Variants in XKR4 observed in about 807,000 individuals in gnomAD.
The protein encoded by XKR4 is XK related 4.
XKR4 carries 12 observed loss-of-function variants against 53.9 expected under a neutral mutation model. The ratio of observed to expected loss-of-function variants is 0.22; its 90% CI spans 0.14 to 0.36. The LOEUF (loss-of-function observed/expected upper bound fraction) is 0.36, where lower values mean the gene tolerates loss of function less well. XKR4 is among the 10% of genes least tolerant of loss of function. The pLI is 1.00. For missense variants in XKR4, 799 were observed against 859.5 expected (o/e 0.93, Z 0.88); for synonymous variants, 354 against 362.4 (o/e 0.98, Z 0.26).
Position 55,148,837 on chromosome 8 carries a change from A to T in XKR4, c.806+45543A>T, listed in dbSNP as rs77742891. ...ATGTTGTTTTATTTCCCAGAGCTGGACTGCAGACTTCCTTGGCTCTGTCAC... is the reference window on the plus strand; with the variant it reads ...ATGTTGTTTTATTTCCCAGAGCTGGTCTGCAGACTTCCTTGGCTCTGTCAC... On this transcript the variant is annotated intron_variant, in intron 1 of 2. Coordinates refer to ENST00000327381, the MANE Select transcript of XKR4 (RefSeq NM_052898.2). Among the ~76,000 whole-genome samples the T allele has an allele frequency of 7.3e-3, 1,112 of 152,300 alleles. 27 individuals are homozygous for T. Among genetic ancestry groups the T allele is most frequent in the East Asian group, 0.054 (279 of 5,180 alleles).
At chr8:55,248,752 AC>A (rs1818325748) in intron 1 of XKR4, among the ~76,000 whole-genome samples, 2 of 152,158 alleles carry the variant, frequency 1.3e-5, no homozygotes, top group South Asian at 4.2e-4. Context: ...TGTAAGTTAA[AC>A]TTTTTTTTTC....
chr8:55,511,909 A>T (rs539999892), intron 2 of XKR4, among the ~76,000 whole-genome samples: 3 of 152,300 alleles, frequency 2.0e-5, no homozygotes, highest in African/African-American at 7.2e-5. Context: ...CTCCAATAAA[A>T]TTTCCTTCAA....
intron 2 of XKR4, among the ~76,000 whole-genome samples, chr8:55,386,836 G>T (rs1804325193): frequency 6.6e-6 from 1 of 152,144 alleles, no homozygotes; most frequent in Non-Finnish European, 1.5e-5. Context: ...CATCTAGGAA[G>T]AAACTTCATT....
At chr8:55,262,253 C>A (rs937147641) in intron 1 of XKR4, among the ~76,000 whole-genome samples, 2 of 152,072 alleles carry the variant, frequency 1.3e-5, no homozygotes, top group Non-Finnish European at 2.9e-5. Flanking sequence ...TATAAATTGC[C>A]AGAATTAATC....
chr8:55,111,234 C>G (rs1341845711), intron 1 of XKR4, among the ~76,000 whole-genome samples: 1 of 152,176 alleles, frequency 6.6e-6, no homozygotes, highest in Non-Finnish European at 1.5e-5. Context: ...GCCTCATAGA[C>G]TAGATCTTCT....
intron 1 of XKR4, among the ~76,000 whole-genome samples, chr8:55,297,799 A>G (rs558384676): frequency 3.1e-4 from 47 of 152,360 alleles, no homozygotes; most frequent in African/African-American, 1.1e-3. Context: ...TTTGGGGAAG[A>G]TGGACCTATT....
intron 1 of XKR4, among the ~76,000 whole-genome samples, chr8:55,325,506 A>C (rs1023750171): frequency 6.6e-5 from 10 of 152,210 alleles, no homozygotes; most frequent in Non-Finnish European, 1.5e-4. Context: ...TCTTCAGTTA[A>C]TTTTAAAACT....
chr8:55,288,525 T>G (rs1818939218), intron 1 of XKR4, among the ~76,000 whole-genome samples: 1 of 152,226 alleles, frequency 6.6e-6, no homozygotes, highest in African/African-American at 2.4e-5. Flanking sequence ...ATCCTACTAG[T>G]ATGCCAGATA....
chr8:55,506,985 G>C (rs116890549), intron 2 of XKR4, among the ~76,000 whole-genome samples: 3,835 of 152,170 alleles, frequency 0.025, 78 homozygotes, highest in South Asian at 0.077. Context: ...TTAGCTTAGG[G>C]TTGTGGTGTC....
chr8:55,231,814 A>C (rs889649166), intron 1 of XKR4, among the ~76,000 whole-genome samples: 47 of 152,090 alleles, frequency 3.1e-4, no homozygotes, highest in African/African-American at 1.1e-3. Flanking sequence ...GTCCTTACAA[A>C]TCCTGTAAAC....
chr8:55,287,095 A>T (rs773906016), intron 1 of XKR4, among the ~76,000 whole-genome samples: 2 of 147,200 alleles, frequency 1.4e-5, no homozygotes, highest in South Asian at 2.2e-4. Context: ...TTGGAAATTT[A>T]AATGTCAAAA....
chr8:55,303,770 C>T (rs1180401803), intron 1 of XKR4, among the ~76,000 whole-genome samples: 1 of 152,200 alleles, frequency 6.6e-6, no homozygotes, highest in Non-Finnish European at 1.5e-5. Flanking sequence ...TCTAGATTTT[C>T]TAGTTTATTT....
At chr8:55,452,501 CA>C in intron 2 of XKR4, 1 of 645,096 alleles carries the variant, frequency 1.6e-6, no homozygotes, top group Admixed American at 2.2e-5. Context: ...GGCCATCCAG[CA>C]CACACTCCTC....
In XKR4 at chr8:55,488,735, C is replaced by A; in HGVS notation, c.1007-34546C>A. ...CGGGCGGATCACGAGGTCAGGAGAT[C>A]GAGACCATCCCGGCTAAAACGGTGA... On this transcript the variant is annotated intron_variant, in intron 2 of 2. Coordinates refer to ENST00000327381, the MANE Select transcript of XKR4 (RefSeq NM_052898.2). Among the ~76,000 whole-genome samples, 2 of 11,002 alleles carry A rather than the reference C, an allele frequency of 1.8e-4. 1 individual carries two copies. Among genetic ancestry groups the A allele is most frequent in the East Asian group, 2.5e-3 (2 of 788 alleles). 7.2% of individuals were successfully genotyped at this position (11,002 alleles called of 152,430 possible). A position where few individuals can be genotyped will look rare whatever the true frequency, so the allele number is the denominator to read the frequency against.
chr8:55,217,481 T>C (rs1817819553), intron 1 of XKR4, among the ~76,000 whole-genome samples: 1 of 152,112 alleles, frequency 6.6e-6, no homozygotes, highest in African/African-American at 2.4e-5. Context: ...AGAGTGTGAA[T>C]TGGTACACCA....
In XKR4 at chr8:55,538,523, A is replaced by G. The variant is rs1807061729; in HGVS notation, c.*14296A>G. On this transcript the variant is annotated 3_prime_UTR_variant, in exon 3 of 3. Coordinates refer to ENST00000327381, the MANE Select transcript of XKR4 (RefSeq NM_052898.2). ...CAAAGGTCTATGTATAATTTTCTTCAATGATTAGCTTTTTAATGAGACAAC... is the reference window on the plus strand; with the variant it reads ...CAAAGGTCTATGTATAATTTTCTTCGATGATTAGCTTTTTAATGAGACAAC... The G allele has an allele frequency of 6.6e-6, 1 of 152,186 alleles. No homozygotes were observed. The highest frequency in any genetic ancestry group is 2.1e-4 in the South Asian group (1 of 4,832). 9.4% of individuals were successfully genotyped at this position (152,186 alleles called of 1,614,324 possible).
At chr8:55,194,545 C>G (rs928966346) in intron 1 of XKR4, among the ~76,000 whole-genome samples, 1 of 152,222 alleles carries the variant, frequency 6.6e-6, no homozygotes, top group South Asian at 2.1e-4. Context: ...GGTCTTCAAA[C>G]AGGTATAAAT....
intron 1 of XKR4, among the ~76,000 whole-genome samples, chr8:55,202,368 A>G (rs907197137): frequency 4.6e-5 from 7 of 152,202 alleles, no homozygotes; most frequent in African/African-American, 1.2e-4. Context: ...GGGCGAAGCA[A>G]CGTAGTTTCT....
chr8:55,454,618 TA>T, intron 2 of XKR4: 1 of 1,273,738 alleles, frequency 7.9e-7, no homozygotes. Flanking sequence ...AATCGTCCTC[TA>T]CTAGCCCCCA....
Sources: allele counts gnomAD v4.1 joint callset (sites outside exome capture counted in the v4.1 genomes callset), GRCh38; gene constraint gnomAD v4.1.1; transcripts MANE v1.5; gene names NCBI Gene and HGNC (gene_info 2026-07-23, HGNC 2026-07-21).